Variants in ITGB6 observed in about 807,000 individuals in gnomAD.
ITGB6 encodes the protein integrin subunit beta 6.
ITGB6 carries 80 observed loss-of-function variants against 84.5 expected under a neutral mutation model. The observed-to-expected ratio is 0.95, with a 90% CI of 0.79 to 1.14. The LOEUF is 1.14. Ranked by LOEUF, ITGB6 falls within the 50% of genes most tolerant of loss-of-function variation. The pLI, the probability that ITGB6 is intolerant of heterozygous loss-of-function variation, is 0.00. For missense variants in ITGB6, 1,006 were observed against 968.0 expected (o/e 1.04, Z -0.52); for synonymous variants, 383 against 354.9 (o/e 1.08, Z -0.89).
chr2:160,146,474 T>C (rs1027148416), intron 7 of ITGB6, among the ~76,000 whole-genome samples: 1 of 152,196 alleles, frequency 6.6e-6, no homozygotes, highest in Non-Finnish European at 1.5e-5. Context: ...AACATCAATG[T>C]TTCTAATCTG....
rs374632242 is a variant in ITGB6, at chr2:160,140,807, T to C, written c.1107+1175A>G. On this transcript the variant is annotated intron_variant, in intron 8 of 14. Transcript: ENST00000283249. ...ATGGACACATCTGTATTTTATTTTC[T>C]GAAGAAATGAAGTACTTGAGAGGGA... is the stretch of plus-strand genomic sequence containing the variant. Among the ~76,000 whole-genome samples the C allele has an allele frequency of 1.1e-3, 160 of 152,348 alleles. 7 individuals carry two copies. The South Asian group carries it at 0.032, about 31-fold the overall frequency.
chr2:160,140,893 T>G (rs1683973744), intron 8 of ITGB6, among the ~76,000 whole-genome samples: 1 of 152,096 alleles, frequency 6.6e-6, no homozygotes, highest in African/African-American at 2.4e-5. Flanking sequence ...TCAAAATTAT[T>G]GGGGAATTTT....
At position 160,172,571 on chromosome 2, in the gene ITGB6, A is replaced by G. The variant is rs749904793; in HGVS notation, c.919T>C (p.Leu307=). The stretch of plus-strand genomic sequence containing the variant: ...AGTACAGAGTGCAGGTTACACACCA[A>G]GACAGTTGACATGGAGTATTCATTC... ...SKNEYSMSTV[L]EYPTIGQLID... The change falls in exon 6 of 15, where the codon TTG becomes CTG. Residue 307 remains leucine (L), a splice_region_variant and synonymous_variant. Transcript: ENST00000283249. 3.1e-6 allele frequency: 5 copies of G among 1,597,880 alleles called. No homozygotes were observed. The African/African-American group carries it at 6.7e-5, about 21-fold the overall frequency.
rs562056239 is a variant in ITGB6 at position 160,118,208 on chromosome 2, C to CA, written c.1981+5582dup. 5.9e-4 allele frequency among the ~76,000 whole-genome samples: 90 copies of CA among 152,022 alleles called. No homozygotes were observed. In the East Asian group the frequency reaches 0.015, roughly 26 times the overall value. ...ATACCAAAGCCTGGCAGAGAAACAA[C>CA]AAAAAAAGAGAATTTTAAACAAATA... On this transcript the variant is annotated intron_variant, in intron 12 of 14. Transcript: ENST00000283249.
chr2:160,123,452 G>A (rs1186309364), intron 12 of ITGB6, among the ~76,000 whole-genome samples: 2 of 152,098 alleles, frequency 1.3e-5, no homozygotes, highest in African/African-American at 4.8e-5. Context: ...CAGGTTTGGG[G>A]GTTAACATTT....
intron 8 of ITGB6, 47 bp downstream of exon 8, chr2:160,141,935 G>C: frequency 8.3e-7 from 1 of 1,198,276 alleles, no homozygotes; most frequent in Non-Finnish European, 1.2e-6. Flanking sequence ...CTTAGTTTTT[G>C]AATACCAAAG....
In ITGB6 at chr2:160,136,303, C is replaced by T. The variant is rs993662621; in HGVS notation, c.1660+1131G>A. On this transcript the variant is annotated intron_variant, in intron 10 of 14. Coordinates refer to ENST00000283249, the MANE Select transcript of ITGB6 (RefSeq NM_000888.5). ...CAGCCAAAAGACACATGAAAAAATG[C>T]TCATCATCACTGGCCATCAGAGAAA... Among the ~76,000 whole-genome samples the T allele has an allele frequency of 7.2e-5, 11 of 152,288 alleles. No homozygotes were observed. The South Asian group carries it at 2.3e-3, about 32-fold the overall frequency.
intron 7 of ITGB6, among the ~76,000 whole-genome samples, chr2:160,162,318 C>G (rs575622780): frequency 4.0e-4 from 61 of 151,850 alleles, no homozygotes; most frequent in African/African-American, 1.4e-3. Flanking sequence ...TGAAATTAAG[C>G]TTATAAGCCA....
chr2:160,194,629 T>C, intron 4 of ITGB6, among the ~76,000 whole-genome samples: 1 of 152,124 alleles, frequency 6.6e-6, no homozygotes, highest in East Asian at 1.9e-4. Context: ...CTGAATGAGG[T>C]CATGTATGTA....
chr2:160,182,853 A>G (rs1685740213), intron 4 of ITGB6, among the ~76,000 whole-genome samples: 1 of 152,230 alleles, frequency 6.6e-6, no homozygotes, highest in African/African-American at 2.4e-5. Flanking sequence ...TTCTTAAAGA[A>G]AAGAATTTTC....
At chr2:160,179,943 CAA>C (rs60463723) in intron 4 of ITGB6, among the ~76,000 whole-genome samples, 32,221 of 103,076 alleles carry the variant, frequency 0.31, 4,499 homozygotes, top group African/African-American at 0.44. Flanking sequence ...ACTAAAAATA[CAA>C]AAAAAAAAAA....
chr2:160,185,752 T>C (rs763489929), intron 4 of ITGB6, among the ~76,000 whole-genome samples: 6 of 152,188 alleles, frequency 3.9e-5, no homozygotes, highest in Non-Finnish European at 1.5e-5. Context: ...CAAAACAGCA[T>C]GGTACTGGTA....
intron 7 of ITGB6, among the ~76,000 whole-genome samples, chr2:160,144,003 T>G (rs1265571599): frequency 1.3e-5 from 2 of 152,210 alleles, no homozygotes; most frequent in Non-Finnish European, 2.9e-5. Flanking sequence ...TGTTGAAGTT[T>G]GAAGTCAGTA....
chr2:160,103,077 G>C (rs1490077780), intron 14 of ITGB6, among the ~76,000 whole-genome samples: 3 of 152,130 alleles, frequency 2.0e-5, no homozygotes, highest in Admixed American at 2.0e-4. Flanking sequence ...TACTGAGTAT[G>C]TATGGAATCC....
chr2:160,123,610 G>A (rs900866145), intron 12 of ITGB6, among the ~76,000 whole-genome samples, 181 bp downstream of exon 12: 2 of 152,112 alleles, frequency 1.3e-5, no homozygotes, highest in African/African-American at 4.8e-5. Flanking sequence ...CTAGTGTCCT[G>A]AGACATCAAG....
chr2:160,151,515 C>T (rs1388798698), intron 7 of ITGB6, among the ~76,000 whole-genome samples: 1 of 152,122 alleles, frequency 6.6e-6, no homozygotes, highest in Non-Finnish European at 1.5e-5. Context: ...AATCAACACC[C>T]TAACATCACA....
At chr2:160,134,764 T>A (rs1210508037) in intron 10 of ITGB6, among the ~76,000 whole-genome samples, 1 of 152,224 alleles carries the variant, frequency 6.6e-6, no homozygotes, top group Non-Finnish European at 1.5e-5. Context: ...CACAAATCAA[T>A]AAACGTAATC....
intron 4 of ITGB6, among the ~76,000 whole-genome samples, chr2:160,183,059 C>T (rs563031543): frequency 2.0e-5 from 3 of 152,190 alleles, no homozygotes; most frequent in South Asian, 2.1e-4. Flanking sequence ...TAAAGACCGT[C>T]GACACTATGA....
At chr2:160,112,010 A>C (rs1389087848) in intron 13 of ITGB6, 70 bp downstream of exon 13, 1 of 1,506,972 alleles carries the variant, frequency 6.6e-7, no homozygotes, top group East Asian at 2.3e-5. Flanking sequence ...ACCCAGAGCG[A>C]TTTTCTGGTT....
Sources: gnomAD v4.1 joint callset for allele counts (sites outside exome capture counted in the v4.1 genomes callset) on GRCh38, gnomAD v4.1.1 for gene constraint, MANE v1.5 for transcripts, NCBI Gene and HGNC (gene_info 2026-07-23, HGNC 2026-07-21) for gene names.